L3MBTL3: variants seen among roughly 807,000 people sequenced by gnomAD.
The protein encoded by L3MBTL3 is lethal(3)malignant brain tumor-like protein 3.
A neutral mutation model predicts 102.3 loss-of-function variants in L3MBTL3; 27 were observed. The ratio of observed to expected loss-of-function variants is 0.26; its 90% CI spans 0.19 to 0.36. The LOEUF is 0.36. Ranked by LOEUF, L3MBTL3 falls within the 10% of genes least tolerant of loss-of-function variation. The pLI, the probability that L3MBTL3 is intolerant of heterozygous loss-of-function variation, is 1.00. For missense variants in L3MBTL3, 798 were observed against 955.3 expected (o/e 0.84, Z 2.17); for synonymous variants, 340 against 320.9 (o/e 1.06, Z -0.64).
intron 18 of L3MBTL3, among the ~76,000 whole-genome samples, chr6:130,103,506 C>T (rs542340653): frequency 1.3e-5 from 2 of 151,838 alleles, no homozygotes; most frequent in South Asian, 4.2e-4. Context: ...TTCTCACTGT[C>T]ATCTACACTG....
intron 1 of L3MBTL3, among the ~76,000 whole-genome samples, chr6:130,021,932 T>A (rs535274987): frequency 6.6e-6 from 1 of 152,314 alleles, no homozygotes; most frequent in South Asian, 2.1e-4. Flanking sequence ...ATAAAAGCAG[T>A]GAGGGAAATT....
At chr6:130,138,756 CTG>C (rs1484446477) in intron 22 of L3MBTL3, among the ~76,000 whole-genome samples, 1 of 144,716 alleles carries the variant, frequency 6.9e-6, no homozygotes, top group African/African-American at 2.5e-5. Context: ...GGTGGGAAAA[CTG>C]AAAGGGAAAC....
intron 3 of L3MBTL3, among the ~76,000 whole-genome samples, chr6:130,045,539 A>G (rs1250936385): frequency 1.3e-5 from 2 of 152,176 alleles, no homozygotes; most frequent in African/African-American, 4.8e-5. Flanking sequence ...GGAGTAGTTA[A>G]TTCACTTGTT....
rs556974556 is a variant in L3MBTL3, at chr6:130,141,062, T to C, written c.*1309T>C. The C allele has an allele frequency of 6.6e-6, 1 of 152,658 alleles. No individual in the cohort carries two copies. The highest frequency in any genetic ancestry group is 2.1e-4 in the South Asian group (1 of 4,832). The allele number at this position is 152,658 out of a possible 1,614,324, so 9.5% of individuals were successfully genotyped here. ...TTCTAAGGCAAAAGGTAAATTATTT[T>C]GTCCGTCTTTTGATGTACTTTCTGA... On this transcript the variant is annotated 3_prime_UTR_variant, in exon 23 of 23. Coordinates refer to ENST00000361794, the MANE Select transcript of L3MBTL3 (RefSeq NM_032438.4).
intron 3 of L3MBTL3, among the ~76,000 whole-genome samples, chr6:130,047,938 C>T (rs1780829468): frequency 6.6e-6 from 1 of 152,168 alleles, no homozygotes; most frequent in Non-Finnish European, 1.5e-5. Flanking sequence ...ATAGTACTCA[C>T]ATATTACCTG....
At chr6:130,057,889 A>G (rs1781612861) in intron 9 of L3MBTL3, among the ~76,000 whole-genome samples, 1 of 151,486 alleles carries the variant, frequency 6.6e-6, no homozygotes, top group Non-Finnish European at 1.5e-5. Context: ...CACGCCTGTA[A>G]TCCCAGCACT....
chr6:130,060,005 G>A, intron 9 of L3MBTL3, 31 bp from the exon 10 acceptor site: 1 of 1,244,316 alleles, frequency 8.0e-7, no homozygotes, highest in South Asian at 1.2e-5. Flanking sequence ...TTGGGATAAG[G>A]GACTAAAACT....
rs1170006931 is a variant in L3MBTL3, at chr6:130,139,786, G to T, written c.*33G>T. 6.2e-7 allele frequency: 1 copy of T among 1,602,510 alleles called. No homozygotes were observed. On this transcript the variant is annotated 3_prime_UTR_variant, in exon 23 of 23. Coordinates refer to ENST00000361794, the MANE Select transcript of L3MBTL3 (RefSeq NM_032438.4). ...GAATTCTGAATACCATCAGCATTCT[G>T]CTTTAAAGCTCATGTTTTATTCAAA...
chr6:130,100,269 G>T (rs1289085088), intron 18 of L3MBTL3, among the ~76,000 whole-genome samples: 2 of 152,158 alleles, frequency 1.3e-5, no homozygotes, highest in Non-Finnish European at 2.9e-5. Context: ...CGGAGCCTGT[G>T]CTTGCTCATT....
At chr6:130,047,245 C>T (rs558102229) in intron 3 of L3MBTL3, among the ~76,000 whole-genome samples, 5 of 152,132 alleles carry the variant, frequency 3.3e-5, no homozygotes, top group African/African-American at 1.2e-4. Flanking sequence ...CTCTGGCTTA[C>T]AAGAGTGAAC....
At chr6:130,029,986 A>G (rs746251672) in intron 2 of L3MBTL3, among the ~76,000 whole-genome samples, 24 of 151,956 alleles carry the variant, frequency 1.6e-4, no homozygotes, top group African/African-American at 5.6e-4. Context: ...ACCACGCCCA[A>G]CTAATTTTTG....
At chr6:130,131,459 C>G (rs1439608303) in intron 20 of L3MBTL3, among the ~76,000 whole-genome samples, 1 of 152,178 alleles carries the variant, frequency 6.6e-6, no homozygotes, top group South Asian at 2.1e-4. Context: ...ATGCTGCGAC[C>G]TCAGAGTTTC....
At chr6:130,090,409 G>C (rs1755147009) in intron 16 of L3MBTL3, among the ~76,000 whole-genome samples, 1 of 152,094 alleles carries the variant, frequency 6.6e-6, no homozygotes, top group Non-Finnish European at 1.5e-5. Flanking sequence ...TATCTCAGTA[G>C]TTAACACTCT....
At chr6:130,084,955 G>A (rs570553528) in intron 15 of L3MBTL3, among the ~76,000 whole-genome samples, 6 of 152,176 alleles carry the variant, frequency 3.9e-5, no homozygotes, top group African/African-American at 9.6e-5. Context: ...TCAGCTTCCT[G>A]AGTAGTTGGG....
chr6:130,067,738 C>T (rs972652590), intron 11 of L3MBTL3, among the ~76,000 whole-genome samples: 9 of 152,064 alleles, frequency 5.9e-5, no homozygotes, highest in Admixed American at 3.3e-4. Flanking sequence ...AAAGCATATT[C>T]GCAGATAAAA....
At position 130,086,189 on chromosome 6, in the gene L3MBTL3, A is replaced by G; in HGVS notation, c.1457A>G (p.Lys486Arg). ...QKKMKLEVVD[K>R]RNPMFIRVAT... ...AAAATGAAGCTTGAGGTTGTAGACA[A>G]AAGGAACCCTATGTTTATTAGAGTA... is the stretch of plus-strand genomic sequence containing the variant. Residue 486 changes from lysine to arginine, a missense_variant, in exon 16 of 23, where the codon AAA (lysine) becomes AGA (arginine). By Grantham distance (26) the Lys-to-Arg change is conservative. Transcript: ENST00000361794. 6.2e-7 allele frequency: 1 copy of G among 1,613,394 alleles called. No individual in the cohort carries two copies. The highest frequency in any genetic ancestry group is 8.5e-7 in the Non-Finnish European group (1 of 1,179,784).
chr6:130,038,309 G>A (rs1780188432), intron 2 of L3MBTL3, among the ~76,000 whole-genome samples: 1 of 151,712 alleles, frequency 6.6e-6, no homozygotes, highest in Non-Finnish European at 1.5e-5. Flanking sequence ...GGATCATATG[G>A]TATTTCTATC....
Position 130,057,413 on chromosome 6 carries a change from T to C in L3MBTL3, c.675T>C (p.Pro225=), listed in dbSNP as rs1248412543. ...GTCTTGCTTGCCTTTCAGGTTTGCC[T>C]CCTAAAGGAAAGAAAGCGTGGTGCT... is the stretch of plus-strand genomic sequence containing the variant. The part of the protein sequence containing the change: ...GDSAVLKQGL[P]PKGKKAWCWA... The change falls in exon 9 of 23, where the codon CCT becomes CCC. Residue 225 remains proline (P), a synonymous_variant. Transcript: ENST00000361794. 1 of 1,607,668 alleles carries C rather than the reference T, an allele frequency of 6.2e-7. No individual in the cohort carries two copies. Among genetic ancestry groups the C allele is most frequent in the Admixed American group, 1.7e-5 (1 of 59,098 alleles).
At chr6:130,027,742 T>C (rs1779444042) in intron 2 of L3MBTL3, among the ~76,000 whole-genome samples, 1 of 152,226 alleles carries the variant, frequency 6.6e-6, no homozygotes, top group Non-Finnish European at 1.5e-5. Flanking sequence ...TTAAAAATTA[T>C]GAAGTAAAAT....
Sources: allele counts gnomAD v4.1 joint callset (sites outside exome capture counted in the v4.1 genomes callset), GRCh38; gene constraint gnomAD v4.1.1; transcripts MANE v1.5; gene names NCBI Gene and HGNC (gene_info 2026-07-23, HGNC 2026-07-21).